The following MTF2 variants were observed in gnomAD, a reference collection of about 807,000 sequenced individuals.
MTF2 encodes metal-response element-binding transcription factor 2.
MTF2 carries 11 observed loss-of-function variants against 79.5 expected under a neutral mutation model. The observed-to-expected ratio is 0.14, with a 90% confidence interval of 0.09 to 0.23. The LOEUF is 0.23. Among genes scored for constraint, MTF2 ranks in the 10% least tolerant of loss-of-function variants. MTF2 has a pLI of 1.00. For synonymous variants in MTF2, 208 were observed against 232.8 expected (o/e 0.89, Z 0.97); for missense variants, 486 against 711.2 (o/e 0.68, Z 3.60).
At chr1:93,129,730 A>C (rs1656842462) in intron 11 of MTF2, among the ~76,000 whole-genome samples, 2 of 151,942 alleles carry the variant, frequency 1.3e-5, no homozygotes. Flanking sequence ...TTCACTTTTC[A>C]TTGATTGATT....
intron 11 of MTF2, among the ~76,000 whole-genome samples, chr1:93,130,521 G>C (rs1360752994): frequency 6.6e-6 from 1 of 152,066 alleles, no homozygotes; most frequent in Non-Finnish European, 1.5e-5. Flanking sequence ...AGGTTGCAGT[G>C]AGCCGAGATC....
At chr1:93,094,521 CTCTTTT>C (rs1325003261) in intron 1 of MTF2, among the ~76,000 whole-genome samples, 1 of 152,006 alleles carries the variant, frequency 6.6e-6, no homozygotes, top group Non-Finnish European at 1.5e-5. Context: ...TAGATCTTGC[CTCTTTT>C]TTTCTGTGGA....
At chr1:93,125,624 A>G (rs572189549) in intron 9 of MTF2, among the ~76,000 whole-genome samples, 3 of 152,154 alleles carry the variant, frequency 2.0e-5, no homozygotes, top group Admixed American at 1.3e-4. Flanking sequence ...TGCTTTAGCC[A>G]TAAACACAAA....
At chr1:93,131,465 G>T (rs569486181) in intron 11 of MTF2, among the ~76,000 whole-genome samples, 1 of 152,142 alleles carries the variant, frequency 6.6e-6, no homozygotes, top group East Asian at 1.9e-4. Flanking sequence ...CCAAATTTAC[G>T]TGTCAAACTG....
At chr1:93,095,451 C>T (rs2101032158) in intron 1 of MTF2, among the ~76,000 whole-genome samples, 1 of 152,218 alleles carries the variant, frequency 6.6e-6, no homozygotes, top group East Asian at 1.9e-4. Flanking sequence ...AGCGATTCTC[C>T]TGCCTCAGCC....
chr1:93,133,621 T>C, intron 11 of MTF2, 82 bp from the exon 12 acceptor site: 1 of 708,616 alleles, frequency 1.4e-6, no homozygotes, highest in Admixed American at 3.1e-5. Flanking sequence ...AATATATGTA[T>C]ATGTGTCTAG....
rs973827114 is a variant in MTF2 at position 93,134,033 on chromosome 1, T to C, written c.1319+53T>C. On this transcript the variant is annotated intron_variant, in intron 13 of 14. Transcript: ENST00000370298. Reference sequence around the variant, plus strand: ...CTAGGTTTTGTCTTTTGAGTAGATATTAATATTTGTTTGTTATATAATATA... The same window carrying C: ...CTAGGTTTTGTCTTTTGAGTAGATACTAATATTTGTTTGTTATATAATATA... 1.0e-5 allele frequency: 16 copies of C among 1,546,534 alleles called. 1 individual carries two copies. The Middle Eastern group carries it at 5.1e-4, about 50-fold the overall frequency.
At chr1:93,124,084 G>A (rs559921043) in intron 9 of MTF2, among the ~76,000 whole-genome samples, 4 of 151,876 alleles carry the variant, frequency 2.6e-5, no homozygotes, top group Admixed American at 6.6e-5. Context: ...AGTTGAATAC[G>A]GTATAGGATT....
chr1:93,109,642 G>A (rs1451193188), intron 1 of MTF2, among the ~76,000 whole-genome samples: 4 of 151,846 alleles, frequency 2.6e-5, no homozygotes, highest in African/African-American at 7.3e-5. Flanking sequence ...GCCTTATAGT[G>A]TACTATTTGT....
chr1:93,111,212 C>T (rs190285048), intron 3 of MTF2, among the ~76,000 whole-genome samples: 7 of 152,282 alleles, frequency 4.6e-5, no homozygotes, highest in Admixed American at 4.6e-4. Flanking sequence ...ATGCTTTTAG[C>T]ATCTGCTAAA....
At chr1:93,081,859 G>A (rs1452450364) in intron 1 of MTF2, among the ~76,000 whole-genome samples, 1 of 152,182 alleles carries the variant, frequency 6.6e-6, no homozygotes, top group Non-Finnish European at 1.5e-5. Context: ...TACTGTATTG[G>A]ACAGCACAGT....
intron 1 of MTF2, among the ~76,000 whole-genome samples, chr1:93,079,915 G>A (rs1654530977): frequency 6.6e-6 from 1 of 151,938 alleles, no homozygotes; most frequent in Admixed American, 6.6e-5. Context: ...GTTGGGAAAT[G>A]GGGGCTGAGG....
At chr1:93,117,522 A>G (rs1018939550) in intron 6 of MTF2, among the ~76,000 whole-genome samples, 1 of 152,250 alleles carries the variant, frequency 6.6e-6, no homozygotes, top group African/African-American at 2.4e-5. Context: ...TATACCTGGT[A>G]GAGTCTTAGA....
chr1:93,111,626 T>TAG (rs1656031950), intron 3 of MTF2, among the ~76,000 whole-genome samples: 1 of 152,136 alleles, frequency 6.6e-6, no homozygotes, highest in Non-Finnish European at 1.5e-5. Context: ...AAGTAGCTTT[T>TAG]ACTCTGGTAA....
intron 5 of MTF2, 51 bp from the exon 6 acceptor site, chr1:93,115,419 T>G: frequency 5.9e-6 from 8 of 1,360,640 alleles, no homozygotes; most frequent in Non-Finnish European, 8.0e-6. Context: ...TATAGAATTG[T>G]GTTTAAAATT....
At chr1:93,133,631 G>A in intron 11 of MTF2, 72 bp from the exon 12 acceptor site, 2 of 904,164 alleles carry the variant, frequency 2.2e-6, no homozygotes, top group East Asian at 2.5e-5. Context: ...TATGTGTCTA[G>A]TTACATACAT....
chr1:93,134,607 C>T (rs921172728), intron 14 of MTF2: 2 of 159,814 alleles, frequency 1.3e-5, no homozygotes, highest in African/African-American at 4.8e-5. Context: ...TCATTGCAGC[C>T]TCAAACTCCT....
At chr1:93,103,935 A>G (rs1198824950) in intron 1 of MTF2, among the ~76,000 whole-genome samples, 1 of 152,150 alleles carries the variant, frequency 6.6e-6, no homozygotes, top group Non-Finnish European at 1.5e-5. Flanking sequence ...TACTGCTTTT[A>G]CACGTTATTT....
At chr1:93,123,264 T>C (rs548820960) in intron 9 of MTF2, among the ~76,000 whole-genome samples, 319 of 145,108 alleles carry the variant, frequency 2.2e-3, no homozygotes, top group Non-Finnish European at 3.9e-3. Flanking sequence ...CTCTCTCTCT[T>C]TTTTTTTTTT....
Sources: allele counts gnomAD v4.1 joint callset (sites outside exome capture counted in the v4.1 genomes callset), GRCh38; gene constraint gnomAD v4.1.1; transcripts MANE v1.5; gene names NCBI Gene and HGNC (gene_info 2026-07-23, HGNC 2026-07-21).